The following MCC variants were observed in gnomAD, a reference collection of about 807,000 sequenced individuals.
The protein encoded by MCC is colorectal mutant cancer protein.
Under a neutral mutation model 116.2 loss-of-function variants are expected in MCC, and 90 were observed. The ratio of observed to expected loss-of-function variants is 0.77; its 90% CI spans 0.65 to 0.92. The LOEUF (loss-of-function observed/expected upper bound fraction) is 0.92, where lower values mean the gene tolerates loss of function less well. Ranked by LOEUF, MCC falls within the 40% of genes least tolerant of loss-of-function variation. The pLI is 0.00. For missense variants in MCC, 1,516 were observed against 1,312.2 expected (o/e 1.16, Z -2.40); for synonymous variants, 578 against 510.5 (o/e 1.13, Z -1.78).
chr5:113,081,192 G>A (rs887774210), intron 11 of MCC, among the ~76,000 whole-genome samples: 7 of 152,142 alleles, frequency 4.6e-5, no homozygotes, highest in Non-Finnish European at 1.0e-4. Flanking sequence ...TTATTTCTAA[G>A]AACCCCCAGG....
rs1018379110 is a variant in MCC, at chr5:113,457,727, C to T, written c.170+30518G>A. On this transcript the variant is annotated intron_variant, in intron 1 of 18. Coordinates refer to ENST00000408903, the MANE Select transcript of MCC (RefSeq NM_001085377.2). ...ACACCAATCAGCACCCTGTGTCTAG[C>T]TCAGGGGTTGTGAGTGCACCAATGG... 1.8e-4 allele frequency among the ~76,000 whole-genome samples: 26 copies of T among 143,576 alleles called. 2 individuals carry two copies. The highest frequency in any genetic ancestry group is 7.3e-4 in the African/African-American group (26 of 35,478). The allele number at this position is 143,576 out of a possible 152,430, so 94.2% of individuals were successfully genotyped here. A position where few individuals can be genotyped will look rare whatever the true frequency, so the allele number is the denominator to read the frequency against.
intron 3 of MCC, among the ~76,000 whole-genome samples, chr5:113,305,602 C>A (rs1379999215): frequency 3.9e-5 from 6 of 152,178 alleles, no homozygotes; most frequent in Non-Finnish European, 5.9e-5. Flanking sequence ...TCCACTTTTA[C>A]CGCTTAGCAG....
intron 3 of MCC, among the ~76,000 whole-genome samples, chr5:113,295,562 T>TTGAAAGATGTCAGATAGGC (rs1339101382): frequency 2.0e-5 from 3 of 152,010 alleles, no homozygotes; most frequent in Non-Finnish European, 2.9e-5. Context: ...CCCCCAGACC[T>TTGAAAGATGTCAGATAGGC]TCCTTAATTG....
chr5:113,448,889 T>C (rs1771299913), intron 1 of MCC, among the ~76,000 whole-genome samples: 1 of 152,226 alleles, frequency 6.6e-6, no homozygotes, highest in Non-Finnish European at 1.5e-5. Context: ...CTTTTTAATC[T>C]TGTATTTTAT....
chr5:113,096,610 C>T (rs1756041242), intron 8 of MCC, among the ~76,000 whole-genome samples: 1 of 152,178 alleles, frequency 6.6e-6, no homozygotes, highest in Non-Finnish European at 1.5e-5. Context: ...AGCCATCTGC[C>T]TAGTTCTGGT....
At chr5:113,055,057 G>A (rs1752740729) in intron 14 of MCC, among the ~76,000 whole-genome samples, 1 of 152,192 alleles carries the variant, frequency 6.6e-6, no homozygotes, top group African/African-American at 2.4e-5. Context: ...GATGGCAGAG[G>A]AAAAAGCAGA....
At position 113,221,155 on chromosome 5, in the gene MCC, G is replaced by A. The variant is rs1763538284; in HGVS notation, c.628-69733C>T. Among the ~76,000 whole-genome samples, 5 of 152,230 alleles carry A rather than the reference G, an allele frequency of 3.3e-5. No homozygotes were observed. The South Asian group carries it at 1.0e-3, about 31-fold the overall frequency. On this transcript the variant is annotated intron_variant, in intron 3 of 18. Transcript: ENST00000408903. ...GGAAGTCAAGGCTGCAGTGAGCCGT[G>A]ATCGTGCCACTGCACTCCAGTCTGG... is the stretch of plus-strand genomic sequence containing the variant.
intron 1 of MCC, among the ~76,000 whole-genome samples, chr5:113,414,193 T>C (rs534727343): frequency 4.7e-4 from 72 of 152,348 alleles, no homozygotes; most frequent in African/African-American, 1.7e-3. Context: ...TCCAACTATG[T>C]GGTCAATTTT....
chr5:113,441,168 C>T (rs1771027448), intron 1 of MCC, among the ~76,000 whole-genome samples: 1 of 152,104 alleles, frequency 6.6e-6, no homozygotes, highest in Admixed American at 6.5e-5. Context: ...AACCCTGTCT[C>T]TACTAAAAAT....
chr5:113,061,418 C>T (rs1161843644), intron 14 of MCC, among the ~76,000 whole-genome samples: 1 of 152,242 alleles, frequency 6.6e-6, no homozygotes, highest in East Asian at 1.9e-4. Flanking sequence ...ATTTCCACTT[C>T]CTAACATTTT....
chr5:113,286,052 C>G (rs904532746), intron 3 of MCC, among the ~76,000 whole-genome samples: 3 of 152,206 alleles, frequency 2.0e-5, no homozygotes, highest in Non-Finnish European at 4.4e-5. Flanking sequence ...TGTTGATATC[C>G]TATCTACCAC....
chr5:113,110,010 G>A (rs369551372), intron 6 of MCC, among the ~76,000 whole-genome samples: 1 of 151,808 alleles, frequency 6.6e-6, no homozygotes, highest in Non-Finnish European at 1.5e-5. Context: ...CCAGAGACAG[G>A]ATCTCATTAC....
chr5:113,065,988 G>A (rs991970405), intron 13 of MCC, among the ~76,000 whole-genome samples: 1 of 152,156 alleles, frequency 6.6e-6, no homozygotes, highest in Non-Finnish European at 1.5e-5. Flanking sequence ...CAAACTTCAT[G>A]CCTCTCTTCT....
intron 1 of MCC, among the ~76,000 whole-genome samples, chr5:113,444,740 G>A (rs1328314102): frequency 6.6e-6 from 1 of 152,104 alleles, no homozygotes; most frequent in Non-Finnish European, 1.5e-5. Context: ...AATTATTACA[G>A]CTCTTTTAGT....
chr5:113,243,504 GC>G (rs1184268035), intron 3 of MCC, among the ~76,000 whole-genome samples: 1 of 152,120 alleles, frequency 6.6e-6, no homozygotes, highest in Non-Finnish European at 1.5e-5. Flanking sequence ...GTTACTACAG[GC>G]TTTGACTGAA....
intron 13 of MCC, among the ~76,000 whole-genome samples, chr5:113,065,587 C>A (rs1208737265): frequency 1.3e-5 from 2 of 152,180 alleles, no homozygotes; most frequent in African/African-American, 4.8e-5. Context: ...ACCCTCCAAC[C>A]CCACTGCCGA....
At chr5:113,103,212 C>T (rs1581065281) in intron 7 of MCC, among the ~76,000 whole-genome samples, 1 of 152,322 alleles carries the variant, frequency 6.6e-6, no homozygotes, top group African/African-American at 2.4e-5. Context: ...CTTGGATGCT[C>T]ATGTTGGTTC....
intron 6 of MCC, among the ~76,000 whole-genome samples, chr5:113,113,038 T>C (rs1219724789): frequency 3.3e-5 from 5 of 152,224 alleles, no homozygotes; most frequent in Non-Finnish European, 1.5e-5. Context: ...GTAGGCCTGC[T>C]ACGATGTGGG....
At chr5:113,189,058 T>C (rs1762031081) in intron 3 of MCC, among the ~76,000 whole-genome samples, 1 of 152,028 alleles carries the variant, frequency 6.6e-6, no homozygotes. Flanking sequence ...CTTGGAGGAG[T>C]GAGGCCGTCT....
Sources: gnomAD v4.1 joint callset for allele counts (sites outside exome capture counted in the v4.1 genomes callset) on GRCh38, gnomAD v4.1.1 for gene constraint, MANE v1.5 for transcripts, NCBI Gene and HGNC (gene_info 2026-07-23, HGNC 2026-07-21) for gene names.